SOX6: variants seen among roughly 807,000 people sequenced by gnomAD.
SOX6 encodes the protein transcription factor SOX-6.
SOX6 carries 11 observed loss-of-function variants against 97.8 expected under a neutral mutation model. The ratio of observed to expected loss-of-function variants is 0.11; its 90% CI spans 0.07 to 0.19. The LOEUF (loss-of-function observed/expected upper bound fraction) is 0.19, where lower values mean the gene tolerates loss of function less well. Among genes scored for constraint, SOX6 ranks in the 10% least tolerant of loss-of-function variants. SOX6 has a pLI of 1.00. For synonymous variants in SOX6, 360 were observed against 371.4 expected (o/e 0.97, Z 0.35); for missense variants, 810 against 1,039.5 (o/e 0.78, Z 3.04).
chr11:16,009,355 C>T (rs1039358819), intron 13 of SOX6, among the ~76,000 whole-genome samples: 2 of 151,950 alleles, frequency 1.3e-5, no homozygotes, highest in African/African-American at 4.8e-5. Context: ...TCCTCATTGA[C>T]AGATGAGAAA....
chr11:16,628,395 G>A (rs951870213), intron 3 of SOX6, among the ~76,000 whole-genome samples: 21 of 151,932 alleles, frequency 1.4e-4, no homozygotes, highest in Admixed American at 1.2e-3. Flanking sequence ...AGGCCGAGGT[G>A]GGTGGATCAC....
At chr11:16,218,790 G>A (rs1176317553) in intron 4 of SOX6, among the ~76,000 whole-genome samples, 1 of 151,996 alleles carries the variant, frequency 6.6e-6, no homozygotes, top group Non-Finnish European at 1.5e-5. Context: ...TGGTGATGTC[G>A]ACCGAACAAA....
At chr11:16,287,257 G>GTCTCTCTCTC (rs56921161) in intron 3 of SOX6, among the ~76,000 whole-genome samples, 2 of 120,526 alleles carry the variant, frequency 1.7e-5, no homozygotes, top group African/African-American at 6.6e-5. Flanking sequence ...TCTTCTCTCT[G>GTCTCTCTCTC]TCTCTCTCTC....
At chr11:16,324,486 A>G (rs906546882) in intron 2 of SOX6, among the ~76,000 whole-genome samples, 1 of 152,196 alleles carries the variant, frequency 6.6e-6, no homozygotes, top group African/African-American at 2.4e-5. Flanking sequence ...ACTGAAAATC[A>G]TAGTCTTGCA....
chr11:16,105,111 T>C (rs923744588), intron 7 of SOX6, among the ~76,000 whole-genome samples: 5 of 152,048 alleles, frequency 3.3e-5, no homozygotes, highest in African/African-American at 9.7e-5. Context: ...TACAGTCCAC[T>C]ATCCCATATA....
upstream of SOX6, among the ~76,000 whole-genome samples, chr11:16,480,808 T>C (rs1237210480): frequency 2.0e-5 from 3 of 152,142 alleles, no homozygotes; most frequent in Non-Finnish European, 2.9e-5. Context: ...TTTTGTCCAC[T>C]TTTACATTAA....
chr11:16,545,773 G>A (rs968694868), intron 4 of SOX6, among the ~76,000 whole-genome samples: 3 of 152,160 alleles, frequency 2.0e-5, no homozygotes, highest in Admixed American at 2.0e-4. Flanking sequence ...GCAATATAAT[G>A]AGATCTCATC....
chr11:16,451,231 C>T (rs1859709587), intron 1 of SOX6, among the ~76,000 whole-genome samples: 1 of 151,878 alleles, frequency 6.6e-6, no homozygotes, highest in South Asian at 2.1e-4. Context: ...GATCCTGTCT[C>T]CAAAAAATAA....
intron 4 of SOX6, among the ~76,000 whole-genome samples, chr11:16,582,517 G>C (rs1471073464): frequency 2.0e-5 from 3 of 151,946 alleles, no homozygotes; most frequent in African/African-American, 7.3e-5. Context: ...ATCAAGCCTT[G>C]TGGATATATG....
In SOX6 at chr11:16,516,340, C is replaced by A. The variant is rs1860972696; in HGVS notation, n.610-39952G>T. Among the ~76,000 whole-genome samples, 4 of 152,128 alleles carry A rather than the reference C, an allele frequency of 2.6e-5. No individual in the cohort carries two copies. The South Asian group carries it at 8.3e-4, about 32-fold the overall frequency. On this transcript the variant is annotated intron_variant and non_coding_transcript_variant, in intron 4 of 5. Coordinates refer to the SOX6 transcript ENST00000524520. ...GAATGGGAGTTCACTCATGATTTGT[C>A]TTTCTGTTTGTCTGTTGTTGGTGTA...
At chr11:16,315,894 C>T (rs1452673394) in intron 3 of SOX6, 1 of 152,144 alleles carries the variant, frequency 6.6e-6, no homozygotes, top group Non-Finnish European at 1.5e-5. Flanking sequence ...GAGAATATCC[C>T]AATGCCTTTG....
intron 9 of SOX6, among the ~76,000 whole-genome samples, chr11:16,062,652 T>C (rs1460331742): frequency 6.6e-6 from 1 of 151,724 alleles, no homozygotes; most frequent in Admixed American, 6.6e-5. Context: ...CCAAGATATA[T>C]AAAAGACCAG....
chr11:16,267,345 A>G (rs1854110891), intron 3 of SOX6, among the ~76,000 whole-genome samples: 1 of 151,646 alleles, frequency 6.6e-6, no homozygotes, highest in African/African-American at 2.4e-5. Context: ...CAACTTTATA[A>G]AAGAAAAACA....
chr11:16,554,132 C>A (rs755875278), intron 4 of SOX6, among the ~76,000 whole-genome samples: 4 of 152,042 alleles, frequency 2.6e-5, no homozygotes, highest in Non-Finnish European at 5.9e-5. Flanking sequence ...CTGTATGCAA[C>A]TTGAGTCTTG....
chr11:16,708,012 CAT>C (rs1236066203), intron 3 of SOX6, among the ~76,000 whole-genome samples: 13 of 152,236 alleles, frequency 8.5e-5, no homozygotes, highest in East Asian at 7.7e-4. Context: ...TCAATTTGCA[CAT>C]GTTACTGCTC....
intron 4 of SOX6, among the ~76,000 whole-genome samples, chr11:16,196,392 C>A (rs1367489415): frequency 6.6e-6 from 1 of 152,194 alleles, no homozygotes; most frequent in African/African-American, 2.4e-5. Flanking sequence ...CTCAAAATTA[C>A]TTTACCCAAC....
At chr11:16,518,103 T>C (rs1861002311) in intron 4 of SOX6, among the ~76,000 whole-genome samples, 1 of 152,128 alleles carries the variant, frequency 6.6e-6, no homozygotes, top group Non-Finnish European at 1.5e-5. Context: ...TCCACAGCAG[T>C]CCTACACATA....
chr11:16,576,407 C>A (rs1847984996), intron 4 of SOX6, among the ~76,000 whole-genome samples: 1 of 152,098 alleles, frequency 6.6e-6, no homozygotes, highest in Admixed American at 6.6e-5. Context: ...ACTCATAGAC[C>A]AAATAAGCAA....
At chr11:16,010,887 C>G (rs1341155123) in intron 13 of SOX6, among the ~76,000 whole-genome samples, 1 of 151,960 alleles carries the variant, frequency 6.6e-6, no homozygotes, top group Non-Finnish European at 1.5e-5. Context: ...GATCATCTTT[C>G]TGATAAGAAA....
Sources: gnomAD v4.1 joint callset for allele counts (sites outside exome capture counted in the v4.1 genomes callset) on GRCh38, gnomAD v4.1.1 for gene constraint, MANE v1.5 for transcripts, NCBI Gene and HGNC (gene_info 2026-07-23, HGNC 2026-07-21) for gene names.